The following MTA3 variants were observed in gnomAD, a reference collection of about 807,000 sequenced individuals.
The protein encoded by MTA3 is metastasis associated 1 family member 3.
In MTA3, 34 loss-of-function variants were observed where a neutral mutation model predicts 83.5. That is an observed-to-expected ratio of 0.41 (90% CI 0.31 to 0.54). The LOEUF (loss-of-function observed/expected upper bound fraction) is 0.54, where lower values mean the gene tolerates loss of function less well. Ranked by LOEUF, MTA3 falls within the 20% of genes least tolerant of loss-of-function variation. The probability of loss-of-function intolerance (pLI) is 0.33; values close to 1 mark genes in which losing one functional copy is unlikely to be tolerated. For missense variants in MTA3, 761 were observed against 726.4 expected (o/e 1.05, Z -0.55); for synonymous variants, 303 against 252.7 (o/e 1.20, Z -1.89).
At chr2:42,508,606 T>A (rs1055889772) in intron 2 of MTA3, among the ~76,000 whole-genome samples, 3 of 151,964 alleles carry the variant, frequency 2.0e-5, no homozygotes, top group Non-Finnish European at 2.9e-5. Flanking sequence ...GTCCTGGGAT[T>A]ACAGGTGTGA....
chr2:42,711,816 T>G (rs989042634), intron 14 of MTA3, among the ~76,000 whole-genome samples: 4 of 43,868 alleles, frequency 9.1e-5, no homozygotes, highest in Admixed American at 5.0e-4. Flanking sequence ...GTGTGTGTGT[T>G]TTCCAGTAAG....
chr2:42,510,359 C>T (rs1232920485), intron 2 of MTA3, among the ~76,000 whole-genome samples: 1 of 151,308 alleles, frequency 6.6e-6, no homozygotes, highest in Non-Finnish European at 1.5e-5. Flanking sequence ...GTTTAGCTGG[C>T]CCCAATCCTG....
chr2:42,532,851 T>G, intron 2 of MTA3: 1 of 382,384 alleles, frequency 2.6e-6, no homozygotes, highest in South Asian at 2.5e-5. Context: ...TGGAGCTGGC[T>G]GGCACTTCAG....
chr2:42,606,169 G>T (rs1314033222), intron 3 of MTA3, among the ~76,000 whole-genome samples: 2 of 72,582 alleles, frequency 2.8e-5, no homozygotes, highest in African/African-American at 6.0e-5. Context: ...CTCACCTCCC[G>T]GACGGGGCGG....
chr2:42,644,831 A>G (rs1404184505), intron 6 of MTA3, among the ~76,000 whole-genome samples: 2 of 152,142 alleles, frequency 1.3e-5, no homozygotes, highest in Admixed American at 6.5e-5. Flanking sequence ...GAATTGATAA[A>G]TGCTGTGTGT....
intron 16 of MTA3, among the ~76,000 whole-genome samples, chr2:42,725,949 C>T (rs988450089): frequency 9.9e-5 from 15 of 152,152 alleles, no homozygotes; most frequent in African/African-American, 3.6e-4. Flanking sequence ...ACGAATGGAC[C>T]TTTTCATTGG....
At chr2:42,637,218 A>G (rs762852679) in intron 4 of MTA3, among the ~76,000 whole-genome samples, 7 of 152,100 alleles carry the variant, frequency 4.6e-5, no homozygotes, top group Non-Finnish European at 7.4e-5. Flanking sequence ...GCAATTCTGT[A>G]CTCCTTTGTG....
intron 2 of MTA3, among the ~76,000 whole-genome samples, chr2:42,520,746 TGTAGAGACAGG>T (rs1246789229): frequency 6.6e-6 from 1 of 151,918 alleles, no homozygotes; most frequent in Non-Finnish European, 1.5e-5. Flanking sequence ...TTGTATTTTT[TGTAGAGACAGG>T]GTCTCCCTAT....
chr2:42,534,422 C>A (rs6544559), intron 2 of MTA3, among the ~76,000 whole-genome samples: 10 of 151,944 alleles, frequency 6.6e-5, no homozygotes, highest in Middle Eastern at 6.8e-3. Flanking sequence ...ACGGCAAAAC[C>A]CCGTCTCTAC....
At chr2:42,635,859 A>G (rs1035642340) in intron 4 of MTA3, among the ~76,000 whole-genome samples, 1 of 151,890 alleles carries the variant, frequency 6.6e-6, no homozygotes, top group Non-Finnish European at 1.5e-5. Flanking sequence ...TCCTTCTCCC[A>G]GGTTCAAGCA....
chr2:42,567,328 T>G (rs982373332), upstream of MTA3, among the ~76,000 whole-genome samples: 3 of 152,186 alleles, frequency 2.0e-5, no homozygotes, highest in Non-Finnish European at 4.4e-5. Flanking sequence ...TATTTTTTAT[T>G]TTTATATTTT....
chr2:42,518,025 A>C (rs758123780), intron 2 of MTA3, among the ~76,000 whole-genome samples: 22 of 151,814 alleles, frequency 1.4e-4, no homozygotes, highest in Non-Finnish European at 2.2e-4. Context: ...TCCTCTACTA[A>C]AATACAAAAA....
chr2:42,501,955 G>T (rs1674415472), intron 2 of MTA3, among the ~76,000 whole-genome samples: 1 of 152,106 alleles, frequency 6.6e-6, no homozygotes, highest in Non-Finnish European at 1.5e-5. Context: ...TCCAGCCTGG[G>T]CAATAGAGTG....
chr2:42,594,728 A>ATATATATATATATATATATGTATATT, intron 3 of MTA3, among the ~76,000 whole-genome samples: 1 of 24,044 alleles, frequency 4.2e-5, no homozygotes, highest in Admixed American at 8.8e-4. Context: ...ATATATATAT[A>ATATATATATATATATATATGTATATT]TTTTTTTTTT....
At chr2:42,527,908 T>C (rs1675791800) in intron 2 of MTA3, among the ~76,000 whole-genome samples, 1 of 152,062 alleles carries the variant, frequency 6.6e-6, no homozygotes, top group Non-Finnish European at 1.5e-5. Context: ...GATCTCTCCT[T>C]GGTCTTATGA....
intron 4 of MTA3, among the ~76,000 whole-genome samples, chr2:42,612,255 C>A (rs1684314291): frequency 6.6e-6 from 1 of 152,114 alleles, no homozygotes; most frequent in African/African-American, 2.4e-5. Flanking sequence ...TGCTTTGTTG[C>A]CTAGGCTGGA....
rs1035133651 is a variant in MTA3, at chr2:42,650,266, G to A, written c.500-5934G>A. Among the ~76,000 whole-genome samples, 5 of 152,294 alleles carry A rather than the reference G, an allele frequency of 3.3e-5. No individual in the cohort carries two copies. The East Asian group carries it at 5.8e-4, about 18-fold the overall frequency. ...GTAGAGGGGGTAGAGGTGGGAAGGG[G>A]CACCTAGTGGAGAGAGAGGCCAGGT... is the stretch of plus-strand genomic sequence containing the variant. On this transcript the variant is annotated intron_variant, in intron 6 of 16. Coordinates refer to ENST00000405094, the MANE Select transcript of MTA3 (RefSeq NM_001330442.2).
intron 2 of MTA3, among the ~76,000 whole-genome samples, chr2:42,500,259 C>T (rs1229335584): frequency 2.6e-5 from 4 of 151,942 alleles, no homozygotes; most frequent in Non-Finnish European, 4.4e-5. Context: ...ATTAGCTGGA[C>T]GTGGTGGTGG....
rs1690010677 is a variant in MTA3, at chr2:42,664,261, A to G, written c.702+4399A>G. Among the ~76,000 whole-genome samples, 3 of 152,260 alleles carry G rather than the reference A, an allele frequency of 2.0e-5. No homozygotes were observed. In the South Asian group the frequency reaches 6.2e-4, roughly 32 times the overall value. On this transcript the variant is annotated intron_variant, in intron 8 of 16. Coordinates refer to ENST00000405094, the MANE Select transcript of MTA3 (RefSeq NM_001330442.2). Reference sequence around the variant, plus strand: ...TAGACTCTTAGATCCTGAGGCATTTATAAAATTGAGTAGTATGGTTAAAAA... The same window carrying G: ...TAGACTCTTAGATCCTGAGGCATTTGTAAAATTGAGTAGTATGGTTAAAAA...
Sources: gnomAD v4.1 joint callset for allele counts (sites outside exome capture counted in the v4.1 genomes callset) on GRCh38, gnomAD v4.1.1 for gene constraint, MANE v1.5 for transcripts, NCBI Gene and HGNC (gene_info 2026-07-23, HGNC 2026-07-21) for gene names.